Variants in PTN observed in about 807,000 individuals in gnomAD.
PTN encodes pleiotrophin.
Under a neutral mutation model 24.1 loss-of-function variants are expected in PTN, and 18 were observed. The observed-to-expected ratio is 0.75, with a 90% confidence interval of 0.52 to 1.11. The LOEUF (loss-of-function observed/expected upper bound fraction) is 1.11. Ranked by LOEUF, PTN falls within the 50% of genes least tolerant of loss-of-function variation. The pLI, the probability that PTN is intolerant of heterozygous loss-of-function variation, is 0.00. For synonymous variants in PTN, 78 were observed against 68.6 expected, an observed-to-expected ratio of 1.14 and a Z score of -0.67; for missense variants, 163 against 198.8, an observed-to-expected ratio of 0.82 and a Z score of 1.08.
chr7:137,270,129 C>T (rs1809249924), intron 1 of PTN, among the ~76,000 whole-genome samples: 1 of 152,210 alleles, frequency 6.6e-6, no homozygotes, highest in Non-Finnish European at 1.5e-5. Flanking sequence ...GAAGCTTGCA[C>T]TCCGATAAAG....
chr7:137,297,961 G>A (rs1054292772), intron 1 of PTN, among the ~76,000 whole-genome samples: 2 of 151,950 alleles, frequency 1.3e-5, no homozygotes, highest in African/African-American at 2.4e-5. Flanking sequence ...CACTAACCCT[G>A]TCACAAGCTT....
At chr7:137,341,430 C>T (rs1457242563) in intron 1 of PTN, among the ~76,000 whole-genome samples, 1 of 151,902 alleles carries the variant, frequency 6.6e-6, no homozygotes, top group East Asian at 1.9e-4. Flanking sequence ...TAAACCAAAT[C>T]TCATGATCTC....
intron 4 of PTN, among the ~76,000 whole-genome samples, chr7:137,249,150 C>A (rs1374547137): frequency 6.6e-6 from 1 of 152,082 alleles, no homozygotes; most frequent in Non-Finnish European, 1.5e-5. Flanking sequence ...TTATTCCAAA[C>A]TTTTCAACAT....
intron 1 of PTN, among the ~76,000 whole-genome samples, chr7:137,318,331 A>G (rs182335166): frequency 2.8e-4 from 42 of 152,330 alleles, no homozygotes; most frequent in African/African-American, 9.9e-4. Context: ...GCTGTGAATG[A>G]ACCAGGTATT....
intron 4 of PTN, 47 bp downstream of exon 4, chr7:137,251,183 T>A (rs369875394): frequency 5.1e-5 from 81 of 1,594,372 alleles, no homozygotes; most frequent in Non-Finnish European, 6.4e-5. Flanking sequence ...AGATCTTACC[T>A]GAGTCCATCA....
rs373780557 is a variant in PTN at position 137,275,338 on chromosome 7, A to C, written c.-1-20364T>G. Among the ~76,000 whole-genome samples, 237 of 152,346 alleles carry C rather than the reference A, an allele frequency of 1.6e-3. 1 individual carries two copies. Among genetic ancestry groups the C allele is most frequent in the African/African-American group, 5.4e-3 (226 of 41,586 alleles). ...CAGTTTAGTAATAAAAGAAGAAAGT[A>C]TGGTATAGATGAGCTGAAGCCCCAG... On this transcript the variant is annotated intron_variant, in intron 1 of 4. Transcript: ENST00000348225.
intron 1 of PTN, among the ~76,000 whole-genome samples, chr7:137,296,939 A>G (rs1809728111): frequency 1.3e-5 from 2 of 152,104 alleles, no homozygotes; most frequent in Non-Finnish European, 1.5e-5. Flanking sequence ...TAGAGTGTGG[A>G]AAGTGGAGCT....
intron 4 of PTN, among the ~76,000 whole-genome samples, chr7:137,236,974 A>G (rs1317510158): frequency 2.0e-5 from 3 of 152,262 alleles, no homozygotes; most frequent in African/African-American, 7.2e-5. Context: ...AGTCCCATAA[A>G]TGTTTTTCCT....
chr7:137,313,212 A>T (rs967891002), intron 1 of PTN, among the ~76,000 whole-genome samples: 2 of 152,128 alleles, frequency 1.3e-5, no homozygotes, highest in African/African-American at 4.8e-5. Flanking sequence ...GGCTTGCTCA[A>T]TATCCACTCC....
chr7:137,278,691 A>G (rs1809412215), intron 1 of PTN, among the ~76,000 whole-genome samples: 1 of 152,128 alleles, frequency 6.6e-6, no homozygotes, highest in Non-Finnish European at 1.5e-5. Flanking sequence ...CTGTAATCCC[A>G]GCACTTTGGG....
chr7:137,299,638 T>C (rs76629505), intron 1 of PTN, among the ~76,000 whole-genome samples: 1,779 of 152,062 alleles, frequency 0.012, 11 homozygotes, highest in Non-Finnish European at 0.018. Context: ...TGCTCTGGTA[T>C]GAAAGACACA....
At chr7:137,258,463 CTG>C (rs1808974344) in intron 1 of PTN, among the ~76,000 whole-genome samples, 1 of 152,144 alleles carries the variant, frequency 6.6e-6, no homozygotes, top group Admixed American at 6.5e-5. Flanking sequence ...TTGAAGAACA[CTG>C]TTCTTCTCAG....
intron 1 of PTN, among the ~76,000 whole-genome samples, chr7:137,335,091 C>A (rs922422179): frequency 2.1e-5 from 3 of 146,044 alleles, no homozygotes; most frequent in African/African-American, 5.0e-5. Context: ...ATACCTAATG[C>A]TAAATGACGA....
At chr7:137,343,396 G>C in intron 1 of PTN, 43 bp downstream of exon 1, 1 of 478,128 alleles carries the variant, frequency 2.1e-6, no homozygotes, top group South Asian at 1.5e-5. Flanking sequence ...AGGCAAACTC[G>C]ATCGAAGAGC....
intron 1 of PTN, among the ~76,000 whole-genome samples, chr7:137,333,264 CAA>C (rs1715436162): frequency 6.6e-6 from 1 of 152,158 alleles, no homozygotes. Context: ...ACTAGATGCC[CAA>C]TCTGGAAACT....
chr7:137,289,878 G>T (rs1034292429), intron 1 of PTN, among the ~76,000 whole-genome samples: 12 of 152,152 alleles, frequency 7.9e-5, no homozygotes, highest in African/African-American at 2.9e-4. Context: ...CTGAACTTCT[G>T]ATTTACATAA....
At chr7:137,278,086 T>C (rs1181016255) in intron 1 of PTN, among the ~76,000 whole-genome samples, 1 of 151,452 alleles carries the variant, frequency 6.6e-6, no homozygotes. Context: ...GGCGGGTGGA[T>C]CACGAGGTCA....
chr7:137,262,467 G>C (rs1169539407), intron 1 of PTN, among the ~76,000 whole-genome samples: 1 of 151,796 alleles, frequency 6.6e-6, no homozygotes, highest in East Asian at 1.9e-4. Flanking sequence ...ATTTTATATT[G>C]TTTTCTTAGT....
intron 1 of PTN, among the ~76,000 whole-genome samples, chr7:137,290,466 T>C (rs1563213939): frequency 6.6e-6 from 1 of 152,038 alleles, no homozygotes; most frequent in South Asian, 2.1e-4. Flanking sequence ...AAAATATCAA[T>C]AGTAGTAGGT....
Sources: gnomAD v4.1 joint callset for allele counts (sites outside exome capture counted in the v4.1 genomes callset) on GRCh38, gnomAD v4.1.1 for gene constraint, MANE v1.5 for transcripts, NCBI Gene and HGNC (gene_info 2026-07-23, HGNC 2026-07-21) for gene names.